PDE4D: variants seen among roughly 807,000 people sequenced by gnomAD.
PDE4D encodes the protein phosphodiesterase 4D.
A neutral mutation model predicts 87.4 loss-of-function variants in PDE4D; 24 were observed. That is an observed-to-expected ratio of 0.27 (90% CI 0.20 to 0.39). The LOEUF is 0.39. PDE4D is among the 10% of genes least tolerant of loss of function. The pLI is 1.00. For synonymous variants in PDE4D, 384 were observed against 383.2 expected, an observed-to-expected ratio of 1.00 and a Z score of -0.02; for missense variants, 714 against 1,041.0, an observed-to-expected ratio of 0.69 and a Z score of 4.32.
chr5:60,054,289 G>A (rs1375571780), intron 2 of PDE4D, among the ~76,000 whole-genome samples: 2 of 152,066 alleles, frequency 1.3e-5, no homozygotes, highest in African/African-American at 2.4e-5. Flanking sequence ...CAACCCAAAC[G>A]CCCATCAACG....
intron 1 of PDE4D, among the ~76,000 whole-genome samples, chr5:59,877,939 C>T (rs1189593410): frequency 6.6e-6 from 1 of 152,096 alleles, no homozygotes; most frequent in Non-Finnish European, 1.5e-5. Context: ...ACCCCCGACA[C>T]ACAAACATCC....
At chr5:59,296,895 T>C (rs896450970) in intron 1 of PDE4D, among the ~76,000 whole-genome samples, 1 of 152,150 alleles carries the variant, frequency 6.6e-6, no homozygotes, top group Non-Finnish European at 1.5e-5. Flanking sequence ...TGCTGATAAA[T>C]GGAGTATTTT....
chr5:59,844,894 G>A lies in PDE4D; in HGVS notation c.455+48274C>T, dbSNP rs551018743. ...GACTGAATCAGAAGAACATCCATAA[G>A]GAGGAGTTGGGCCCTTCCTGAAGAG... On this transcript the variant is annotated intron_variant, in intron 1 of 14. Transcript: ENST00000340635. Among the ~76,000 whole-genome samples the A allele has an allele frequency of 2.6e-5, 4 of 152,220 alleles. No individual in the cohort carries two copies. In the South Asian group the frequency reaches 8.3e-4, roughly 32 times the overall value.
chr5:59,518,309 T>TA (rs112300730), intron 1 of PDE4D, among the ~76,000 whole-genome samples: 153 of 145,634 alleles, frequency 1.1e-3, no homozygotes, highest in African/African-American at 2.3e-3. Context: ...TTTCTTTTGC[T>TA]AAAAAAAAAA....
In PDE4D at chr5:59,973,949, C is replaced by T. The variant is rs1387703567; in HGVS notation, c.272+14539G>A. On this transcript the variant is annotated intron_variant, in intron 3 of 16. Transcript: ENST00000502484. ...ATCTTGGTTCCAGGTCTCAATCATA[C>T]AACTCTATCAAATAGCCTTAAATAA... is the stretch of plus-strand genomic sequence containing the variant. Among the ~76,000 whole-genome samples, 4 of 152,130 alleles carry T rather than the reference C, an allele frequency of 2.6e-5. No individual in the cohort carries two copies. The East Asian group carries it at 7.7e-4, about 29-fold the overall frequency.
chr5:58,988,034 T>C (rs1175451656), intron 11 of PDE4D, among the ~76,000 whole-genome samples: 1 of 152,170 alleles, frequency 6.6e-6, no homozygotes, highest in Non-Finnish European at 1.5e-5. Context: ...GAAGTTCCTG[T>C]TACCCTTATT....
At chr5:60,086,180 T>C (rs2152907123) in intron 2 of PDE4D, among the ~76,000 whole-genome samples, 1 of 152,320 alleles carries the variant, frequency 6.6e-6, no homozygotes, top group Admixed American at 6.5e-5. Flanking sequence ...AAGTCTTAAA[T>C]ATTCTAGATA....
At chr5:59,421,668 C>T (rs1794498908) in intron 1 of PDE4D, among the ~76,000 whole-genome samples, 1 of 151,942 alleles carries the variant, frequency 6.6e-6, no homozygotes, top group Non-Finnish European at 1.5e-5. Flanking sequence ...ATGAGAACAA[C>T]TGAAATAATT....
chr5:59,083,671 T>G (rs1021684982), intron 5 of PDE4D, among the ~76,000 whole-genome samples: 1 of 151,968 alleles, frequency 6.6e-6, no homozygotes, highest in Non-Finnish European at 1.5e-5. Context: ...CTCTGAAAAT[T>G]TAATATTGAC....
chr5:59,086,544 C>T (rs948061171), intron 5 of PDE4D, among the ~76,000 whole-genome samples: 5 of 152,038 alleles, frequency 3.3e-5, no homozygotes, highest in African/African-American at 1.2e-4. Flanking sequence ...GTGTGAGTAC[C>T]TTCACCCCCA....
intron 1 of PDE4D, among the ~76,000 whole-genome samples, chr5:60,352,093 C>T (rs1164126911): frequency 6.6e-6 from 1 of 152,036 alleles, no homozygotes; most frequent in Admixed American, 6.6e-5. Context: ...GTATGAGCCA[C>T]AGTACTTGGC....
chr5:60,074,570 T>C (rs1197274749), intron 2 of PDE4D, among the ~76,000 whole-genome samples: 1 of 152,176 alleles, frequency 6.6e-6, no homozygotes, highest in African/African-American at 2.4e-5. Context: ...TTTGTGAATT[T>C]TCTGCCTCAA....
chr5:59,983,977 A>G (rs1329768978), intron 3 of PDE4D, among the ~76,000 whole-genome samples: 1 of 152,172 alleles, frequency 6.6e-6, no homozygotes, highest in African/African-American at 2.4e-5. Context: ...AGTAAAAATA[A>G]ATACATTATG....
At chr5:59,372,180 A>G (rs1784041519) in intron 1 of PDE4D, among the ~76,000 whole-genome samples, 1 of 152,184 alleles carries the variant, frequency 6.6e-6, no homozygotes, top group African/African-American at 2.4e-5. Context: ...TTCTCTACCT[A>G]CCCAATGGAC....
At chr5:59,882,695 T>C (rs1258614013) in intron 1 of PDE4D, among the ~76,000 whole-genome samples, 10 of 152,052 alleles carry the variant, frequency 6.6e-5, no homozygotes, top group Non-Finnish European at 1.5e-4. Context: ...GGATATGTTA[T>C]AAATATCGAG....
At chr5:60,142,702 G>C (rs1158901033) in intron 2 of PDE4D, among the ~76,000 whole-genome samples, 1 of 152,190 alleles carries the variant, frequency 6.6e-6, no homozygotes, top group Admixed American at 6.5e-5. Context: ...AGATGACGGA[G>C]AACCTGAATG....
At chr5:60,046,842 T>C (rs1463902757) in intron 2 of PDE4D, among the ~76,000 whole-genome samples, 12 of 151,534 alleles carry the variant, frequency 7.9e-5, no homozygotes, top group South Asian at 4.2e-4. Flanking sequence ...TTTGGTTGTG[T>C]CTCTGCCTGG....
Position 59,933,793 on chromosome 5 carries a change from A to ATATATATATATATATATATATATAT in PDE4D, c.272+54694_272+54695insATATATATATATATATATATATATA, listed in dbSNP as rs1343398649. Among the ~76,000 whole-genome samples, 10 of 35,620 alleles carry ATATATATATATATATATATATATAT rather than the reference A, an allele frequency of 2.8e-4. 1 individual carries two copies. The highest frequency in any genetic ancestry group is 1.6e-3 in the African/African-American group (10 of 6,356). 23.4% of individuals were successfully genotyped at this position (35,620 alleles called of 152,430 possible). A position where few individuals can be genotyped will look rare whatever the true frequency, so the allele number is the denominator to read the frequency against. On this transcript the variant is annotated intron_variant, in intron 3 of 16. Coordinates refer to the PDE4D transcript ENST00000502484. ...GGAGATATATATATATATATATATT[A>ATATATATATATATATATATATATAT]ATAAGCATTCATATAAAAGATAATA...
At chr5:60,195,292 A>T (rs1741081300) in intron 1 of PDE4D, among the ~76,000 whole-genome samples, 1 of 151,600 alleles carries the variant, frequency 6.6e-6, no homozygotes, top group Admixed American at 6.6e-5. Context: ...CATCAAAATG[A>T]TCTGTTTAAT....
Sources: gnomAD v4.1 joint callset for allele counts (sites outside exome capture counted in the v4.1 genomes callset) on GRCh38, gnomAD v4.1.1 for gene constraint, MANE v1.5 for transcripts, NCBI Gene and HGNC (gene_info 2026-07-23, HGNC 2026-07-21) for gene names.